Variants in WWOX observed in about 807,000 individuals in gnomAD.
WWOX encodes the protein WW domain-containing oxidoreductase.
WWOX carries 69 observed loss-of-function variants against 46.2 expected under a neutral mutation model. That is an observed-to-expected ratio of 1.49 (90% confidence interval 1.23 to 1.82). The LOEUF is 1.82. WWOX is among the 40% of genes most tolerant of loss of function. The pLI is 0.00. For synonymous variants in WWOX, 359 were observed against 202.6 expected (o/e 1.77, Z -6.56); for missense variants, 919 against 542.6 (o/e 1.69, Z -6.89).
intron 8 of WWOX, among the ~76,000 whole-genome samples, chr16:78,564,326 G>A (rs1450388007): frequency 6.6e-6 from 1 of 152,208 alleles, no homozygotes; most frequent in African/African-American, 2.4e-5. Context: ...TTCCTCAGCT[G>A]TAGGCCTGGT....
At chr16:79,072,232 G>C (rs750100909) in intron 8 of WWOX, among the ~76,000 whole-genome samples, 11 of 152,182 alleles carry the variant, frequency 7.2e-5, no homozygotes, top group Non-Finnish European at 1.2e-4. Flanking sequence ...GCTGCAGTGA[G>C]CTATGATCAT....
chr16:78,201,041 A>C (rs2036214053), intron 5 of WWOX, among the ~76,000 whole-genome samples: 1 of 152,234 alleles, frequency 6.6e-6, no homozygotes. Context: ...AGCTGAAGAG[A>C]ATATGACCAT....
rs575570534 is a variant in WWOX at position 79,028,617 on chromosome 16, C to T, written c.1057-182991C>T. Among the ~76,000 whole-genome samples, 3 of 150,918 alleles carry T rather than the reference C, an allele frequency of 2.0e-5. No homozygotes were observed. In the East Asian group the frequency reaches 5.9e-4, roughly 29 times the overall value. On this transcript the variant is annotated intron_variant, in intron 8 of 8. Transcript: ENST00000566780. ...ACTAAAATTTTCTGATACTTTTTTCCTGAATTAGGGTATGTTTTGGGGGGA... is the reference window on the plus strand; with the variant it reads ...ACTAAAATTTTCTGATACTTTTTTCTTGAATTAGGGTATGTTTTGGGGGGA...
chr16:78,330,884 T>G (rs373303055), intron 5 of WWOX, among the ~76,000 whole-genome samples: 3 of 152,376 alleles, frequency 2.0e-5, no homozygotes, highest in African/African-American at 4.8e-5. Context: ...TGAGATGATA[T>G]GCATGTTCTT....
intron 8 of WWOX, among the ~76,000 whole-genome samples, chr16:78,701,843 C>G (rs1467051761): frequency 6.6e-6 from 1 of 151,068 alleles, no homozygotes; most frequent in African/African-American, 2.4e-5. Flanking sequence ...GCGCAGCTCT[C>G]AGCGTAAAGC....
At chr16:79,047,651 C>G (rs1027436153) in intron 8 of WWOX, among the ~76,000 whole-genome samples, 2 of 136,526 alleles carry the variant, frequency 1.5e-5, no homozygotes, top group Non-Finnish European at 3.1e-5. Flanking sequence ...AACTGGGTGA[C>G]TTTCTCCTGA....
chr16:78,307,935 C>T (rs1287894358), intron 5 of WWOX, among the ~76,000 whole-genome samples: 2 of 152,150 alleles, frequency 1.3e-5, no homozygotes, highest in African/African-American at 4.8e-5. Context: ...AGCACCATGC[C>T]ATTCACACTT....
At chr16:78,575,964 C>T (rs1306806974) in intron 8 of WWOX, among the ~76,000 whole-genome samples, 1 of 151,192 alleles carries the variant, frequency 6.6e-6, no homozygotes, top group African/African-American at 2.5e-5. Flanking sequence ...GAGTAAAATG[C>T]AAACACAAAA....
chr16:78,647,842 G>A (rs2046879314), intron 8 of WWOX, among the ~76,000 whole-genome samples: 1 of 152,202 alleles, frequency 6.6e-6, no homozygotes, highest in East Asian at 1.9e-4. Context: ...AATATTTCTG[G>A]CTTTGGGGGA....
At chr16:78,673,493 A>C (rs1056632022) in intron 8 of WWOX, among the ~76,000 whole-genome samples, 1 of 152,198 alleles carries the variant, frequency 6.6e-6, no homozygotes, top group Non-Finnish European at 1.5e-5. Flanking sequence ...CTTCCAGGAA[A>C]CTCACAGACT....
chr16:78,401,364 G>T (rs1187531823), intron 6 of WWOX, among the ~76,000 whole-genome samples: 2 of 152,152 alleles, frequency 1.3e-5, no homozygotes, highest in Non-Finnish European at 2.9e-5. Flanking sequence ...TTCAGATATT[G>T]AGAATAAATT....
At chr16:78,655,717 G>C (rs942100536) in intron 8 of WWOX, among the ~76,000 whole-genome samples, 2 of 152,104 alleles carry the variant, frequency 1.3e-5, no homozygotes, top group African/African-American at 4.8e-5. Context: ...CTATTTCCTG[G>C]CTGTGGTTCC....
At chr16:78,864,767 T>C (rs2043966419) in intron 8 of WWOX, among the ~76,000 whole-genome samples, 1 of 75,940 alleles carries the variant, frequency 1.3e-5, no homozygotes, top group Non-Finnish European at 2.7e-5. Context: ...TTTTTTTTTT[T>C]TTTTTTTTTT....
In WWOX at chr16:79,203,895, GAAGTA is replaced by G. The variant is rs2051424057; in HGVS notation, c.1057-7712_1057-7708del. On this transcript the variant is annotated intron_variant, in intron 8 of 8. Coordinates refer to ENST00000566780, the MANE Select transcript of WWOX (RefSeq NM_016373.4). The stretch of plus-strand genomic sequence containing the variant: ...AGCTATAACCATAACAGAGGTTAAA[GAAGTA>G]GAGTAAAAATGTAAAATGTTTCAAA... 5.3e-5 allele frequency: 8 copies of G among 152,252 alleles called. No individual in the cohort carries two copies. In the South Asian group the frequency reaches 1.7e-3, roughly 32 times the overall value. 9.4% of individuals were successfully genotyped at this position (152,252 alleles called of 1,614,324 possible).
At chr16:78,206,222 A>G (rs35744252) in intron 5 of WWOX, among the ~76,000 whole-genome samples, 20,084 of 152,102 alleles carry the variant, frequency 0.13, 1,651 homozygotes, top group Non-Finnish European at 0.18. Flanking sequence ...CTTTGAAGTT[A>G]TTGGTGGTGG....
Position 79,026,784 on chromosome 16 carries a change from A to ATTT in WWOX, c.1057-184809_1057-184807dup, listed in dbSNP as rs11373534. Among the ~76,000 whole-genome samples, 595 of 123,226 alleles carry ATTT rather than the reference A, an allele frequency of 4.8e-3. 13 individuals carry two copies. Among genetic ancestry groups the ATTT allele is most frequent in the African/African-American group, 0.017 (527 of 30,908 alleles). The allele number at this position is 123,226 out of a possible 152,430, so 80.8% of individuals were successfully genotyped here. ...AGGCGACTGCCACCACGCCCGGCTA[A>ATTT]TTTTTTTTTTTTTTTTTGGTATTTT... On this transcript the variant is annotated intron_variant, in intron 8 of 8. Coordinates refer to ENST00000566780, the MANE Select transcript of WWOX (RefSeq NM_016373.4).
At chr16:78,226,322 G>C (rs1225009214) in intron 5 of WWOX, among the ~76,000 whole-genome samples, 2 of 152,054 alleles carry the variant, frequency 1.3e-5, no homozygotes, top group African/African-American at 4.8e-5. Flanking sequence ...TAATCTTACA[G>C]CTCAGATCCT....
At chr16:78,330,542 G>T (rs548241814) in intron 5 of WWOX, among the ~76,000 whole-genome samples, 1 of 152,036 alleles carries the variant, frequency 6.6e-6, no homozygotes, top group African/African-American at 2.4e-5. Context: ...GACTACAGGC[G>T]CATGCCACCA....
chr16:78,638,242 G>C (rs1014144760), intron 8 of WWOX, among the ~76,000 whole-genome samples: 1 of 152,164 alleles, frequency 6.6e-6, no homozygotes, highest in African/African-American at 2.4e-5. Context: ...GGCTTGGAGG[G>C]GTTGAATGGC....
Sources: allele counts gnomAD v4.1 joint callset (sites outside exome capture counted in the v4.1 genomes callset), GRCh38; gene constraint gnomAD v4.1.1; transcripts MANE v1.5; gene names NCBI Gene and HGNC (gene_info 2026-07-23, HGNC 2026-07-21).